Variants in CRIM1 observed in about 807,000 individuals in gnomAD.
CRIM1 encodes cysteine rich transmembrane BMP regulator 1, also known as cysteine-rich motor neuron 1 protein.
CRIM1 carries 32 observed loss-of-function variants against 116.4 expected under a neutral mutation model. The ratio of observed to expected loss-of-function variants is 0.27; its 90% confidence interval spans 0.21 to 0.37. The LOEUF (loss-of-function observed/expected upper bound fraction) is 0.37, where lower values mean the gene tolerates loss of function less well. Ranked by LOEUF, CRIM1 falls within the 10% of genes least tolerant of loss-of-function variation. The pLI is 1.00. For synonymous variants in CRIM1, 590 were observed against 509.2 expected (o/e 1.16, Z -2.13); for missense variants, 1,331 against 1,354.8 (o/e 0.98, Z 0.28).
intron 13 of CRIM1, chr2:36,529,301 T>C (rs745469465): frequency 9.5e-6 from 4 of 419,546 alleles, no homozygotes; most frequent in African/African-American, 6.2e-5. Context: ...AAACATCTTC[T>C]ATAGGTGCAG....
chr2:36,425,765 G>A (rs1306867955), intron 2 of CRIM1, among the ~76,000 whole-genome samples: 2 of 152,166 alleles, frequency 1.3e-5, no homozygotes, highest in South Asian at 2.1e-4. Context: ...AGTTAGGTGT[G>A]AGGTTATTGC....
rs543635249 is a variant in CRIM1 at position 36,515,124 on chromosome 2, A to G, written c.1990+1359A>G. Among the ~76,000 whole-genome samples, 3 of 152,360 alleles carry G rather than the reference A, an allele frequency of 2.0e-5. No homozygotes were observed. In the South Asian group the frequency reaches 6.2e-4, roughly 32 times the overall value. ...GGGGAGGGAAAAATCATGTGTTTGC[A>G]TGAAGACCCCTGCTTTAATTATAGG... On this transcript the variant is annotated intron_variant, in intron 11 of 16. Transcript: ENST00000280527.
chr2:36,442,693 A>G lies in CRIM1; in HGVS notation c.827A>G (p.Gln276Arg). 1 of 1,614,194 alleles carries G rather than the reference A, an allele frequency of 6.2e-7. No homozygotes were observed. Among genetic ancestry groups the G allele is most frequent in the Non-Finnish European group, 8.5e-7 (1 of 1,180,024 alleles). Reference protein sequence around the residue: ...TACPPDSYETQVRLTADGCCT... With the variant: ...TACPPDSYETRVRLTADGCCT... The stretch of plus-strand genomic sequence containing the variant: ...TGTCCCCCGGACAGCTATGAAACTC[A>G]AGTCAGACTAACTGCAGATGGTTGC... The change falls in exon 4 of 17, where the codon CAA (glutamine) becomes CGA (arginine). Residue 276 changes from glutamine to arginine, a missense_variant. Transcript: ENST00000280527.
intron 7 of CRIM1, 142 bp downstream of exon 7, chr2:36,479,836 C>A: frequency 1.3e-6 from 1 of 747,222 alleles, no homozygotes; most frequent in Non-Finnish European, 2.3e-6. Context: ...ATTTATCAAA[C>A]AGCTCAAACT....
chr2:36,516,751 TAATA>T (rs1461799070), intron 11 of CRIM1, among the ~76,000 whole-genome samples: 2 of 152,074 alleles, frequency 1.3e-5, no homozygotes, highest in Admixed American at 6.5e-5. Context: ...ATCCCAGAAA[TAATA>T]AAGCAGATAG....
At chr2:36,508,050 GTCT>G (rs972597086) in intron 8 of CRIM1, among the ~76,000 whole-genome samples, 3 of 152,214 alleles carry the variant, frequency 2.0e-5, no homozygotes, top group African/African-American at 2.4e-5. Context: ...GACTAATAAA[GTCT>G]TCTTTTTTCA....
At chr2:36,478,803 T>G (rs1460175846) in intron 6 of CRIM1, among the ~76,000 whole-genome samples, 1 of 152,012 alleles carries the variant, frequency 6.6e-6, no homozygotes, top group African/African-American at 2.4e-5. Flanking sequence ...GGGTTTCATA[T>G]GCAGTATTTA....
chr2:36,541,034 T>G (rs1666908872), intron 14 of CRIM1, among the ~76,000 whole-genome samples: 1 of 152,208 alleles, frequency 6.6e-6, no homozygotes, highest in Admixed American at 6.5e-5. Context: ...GAAACATTTT[T>G]CTATCTTTAA....
intron 2 of CRIM1, among the ~76,000 whole-genome samples, chr2:36,439,128 G>C (rs768031198): frequency 6.6e-6 from 1 of 152,214 alleles, no homozygotes; most frequent in African/African-American, 2.4e-5. Context: ...GTGCCATGAA[G>C]TGGTATTCTA....
intron 7 of CRIM1, among the ~76,000 whole-genome samples, chr2:36,487,640 T>A (rs962450631): frequency 2.0e-5 from 3 of 151,910 alleles, no homozygotes; most frequent in African/African-American, 7.3e-5. Flanking sequence ...TAAAGGCACT[T>A]TGTCTTCTAT....
At chr2:36,390,952 G>A (rs751357861) in intron 1 of CRIM1, among the ~76,000 whole-genome samples, 3 of 151,772 alleles carry the variant, frequency 2.0e-5, no homozygotes, top group Non-Finnish European at 4.4e-5. Context: ...TGGGATTACA[G>A]GCATGCGCCA....
intron 7 of CRIM1, among the ~76,000 whole-genome samples, chr2:36,483,340 C>G (rs983347595): frequency 1.3e-5 from 2 of 152,224 alleles, no homozygotes; most frequent in East Asian, 1.9e-4. Flanking sequence ...AGGTCTTCAT[C>G]TGCAGGGCCA....
chr2:36,474,019 A>G (rs1268817349), intron 5 of CRIM1, among the ~76,000 whole-genome samples: 1 of 152,090 alleles, frequency 6.6e-6, no homozygotes, highest in Non-Finnish European at 1.5e-5. Flanking sequence ...GCTCGTTACT[A>G]TTTTTTAATT....
intron 2 of CRIM1, among the ~76,000 whole-genome samples, chr2:36,438,062 G>A (rs756899969): frequency 6.6e-6 from 1 of 151,382 alleles, no homozygotes; most frequent in African/African-American, 2.4e-5. Context: ...AACCCAGGAG[G>A]TGGAGGTTGC....
At chr2:36,374,093 T>C (rs1053018287) in intron 1 of CRIM1, among the ~76,000 whole-genome samples, 1 of 152,216 alleles carries the variant, frequency 6.6e-6, no homozygotes, top group African/African-American at 2.4e-5. Context: ...ACCCATACTA[T>C]GTGTCAAGAA....
At chr2:36,465,962 T>C (rs1677978186) in intron 5 of CRIM1, among the ~76,000 whole-genome samples, 1 of 151,774 alleles carries the variant, frequency 6.6e-6, no homozygotes, top group African/African-American at 2.4e-5. Flanking sequence ...CTCGGCTCAC[T>C]GCAAGCTCTG....
intron 7 of CRIM1, among the ~76,000 whole-genome samples, chr2:36,487,635 G>A (rs549006925): frequency 2.6e-5 from 4 of 151,276 alleles, no homozygotes; most frequent in African/African-American, 9.7e-5. Context: ...TAAAATAAAG[G>A]CACTTTGTCT....
chr2:36,431,771 A>C (rs1674912995), intron 2 of CRIM1, among the ~76,000 whole-genome samples: 1 of 152,214 alleles, frequency 6.6e-6, no homozygotes, highest in Non-Finnish European at 1.5e-5. Flanking sequence ...ATCTGGTTGG[A>C]ATATGTTCAT....
At chr2:36,528,567 G>C (rs1389208209) in intron 13 of CRIM1, among the ~76,000 whole-genome samples, 1 of 152,262 alleles carries the variant, frequency 6.6e-6, no homozygotes, top group Non-Finnish European at 1.5e-5. Context: ...CCTGGGAACA[G>C]AGTACGTGGC....
Sources: allele counts gnomAD v4.1 joint callset (sites outside exome capture counted in the v4.1 genomes callset), GRCh38; gene constraint gnomAD v4.1.1; transcripts MANE v1.5; gene names NCBI Gene and HGNC (gene_info 2026-07-23, HGNC 2026-07-21).